Variants in PHF20 observed in about 807,000 individuals in gnomAD.
PHF20 encodes the protein PHD finger protein 20.
A neutral mutation model predicts 113.5 loss-of-function variants in PHF20; 23 were observed. The ratio of observed to expected loss-of-function variants is 0.20; its 90% CI spans 0.15 to 0.29. The LOEUF is 0.29. PHF20 is among the 10% of genes least tolerant of loss of function. The probability of loss-of-function intolerance (pLI) is 1.00; values close to 1 mark genes in which losing one functional copy is unlikely to be tolerated. For missense variants in PHF20, 943 were observed against 1,219.6 expected, an observed-to-expected ratio of 0.77 and a Z score of 3.38; for synonymous variants, 434 against 457.3, an observed-to-expected ratio of 0.95 and a Z score of 0.65.
At chr20:35,785,754 T>G (rs990893511) in intron 1 of PHF20, among the ~76,000 whole-genome samples, 1 of 152,084 alleles carries the variant, frequency 6.6e-6, no homozygotes, top group Non-Finnish European at 1.5e-5. Flanking sequence ...TATGGTGATA[T>G]TTCAATTAAG....
chr20:35,806,284 T>C (rs180873192), intron 2 of PHF20, among the ~76,000 whole-genome samples: 190 of 151,794 alleles, frequency 1.3e-3, no homozygotes, highest in African/African-American at 4.3e-3. Context: ...CTCAGCCTTC[T>C]GAGCAGATGG....
intron 12 of PHF20, 118 bp downstream of exon 12, chr20:35,914,315 C>A: frequency 1.0e-6 from 1 of 989,060 alleles, no homozygotes; most frequent in Non-Finnish European, 1.5e-6. Context: ...TAAAGCTAGT[C>A]AGACATAATT....
intron 17 of PHF20, among the ~76,000 whole-genome samples, chr20:35,945,251 G>A (rs1362142547): frequency 6.6e-6 from 1 of 152,156 alleles, no homozygotes; most frequent in African/African-American, 2.4e-5. Flanking sequence ...TCAGACACAG[G>A]TGAGTGTTAG....
chr20:35,896,430 T>TA, intron 9 of PHF20, among the ~76,000 whole-genome samples: 1 of 152,224 alleles, frequency 6.6e-6, no homozygotes, highest in South Asian at 2.1e-4. Context: ...ACCAAATCTG[T>TA]AGCATAGGAA....
At chr20:35,859,411 C>G (rs543188839) in intron 5 of PHF20, among the ~76,000 whole-genome samples, 1 of 152,224 alleles carries the variant, frequency 6.6e-6, no homozygotes, top group South Asian at 2.1e-4. Flanking sequence ...CTAATTTCAG[C>G]TGTTGAGACA....
intron 2 of PHF20, among the ~76,000 whole-genome samples, chr20:35,834,370 G>C (rs2042405001): frequency 6.7e-6 from 1 of 149,606 alleles, no homozygotes; most frequent in African/African-American, 2.5e-5. Flanking sequence ...TCCTGCCTCA[G>C]CCTCTCGAGT....
chr20:35,932,397 T>G (rs1211752703), intron 15 of PHF20, among the ~76,000 whole-genome samples: 3 of 150,382 alleles, frequency 2.0e-5, no homozygotes, highest in East Asian at 3.9e-4. Flanking sequence ...TGCTGTAAGA[T>G]ATACATAATA....
At chr20:35,810,988 T>A (rs2041967108) in intron 2 of PHF20, among the ~76,000 whole-genome samples, 1 of 152,122 alleles carries the variant, frequency 6.6e-6, no homozygotes, top group Non-Finnish European at 1.5e-5. Flanking sequence ...TCTCTGTGTG[T>A]GTATGTGTGT....
At position 35,829,176 on chromosome 20, in the gene PHF20, A is replaced by G. The variant is rs377685662; in HGVS notation, c.84-13397A>G. Among the ~76,000 whole-genome samples, 6 of 152,288 alleles carry G rather than the reference A, an allele frequency of 3.9e-5. No individual in the cohort carries two copies. The East Asian group carries it at 1.2e-3, about 29-fold the overall frequency. ...CTTACCCTAGAACAGGGAATCTGAG[A>G]GAGTGCAGGGCAGAAGCAGCAGTGC... On this transcript the variant is annotated intron_variant, in intron 2 of 17. Coordinates refer to ENST00000374012, the MANE Select transcript of PHF20 (RefSeq NM_016436.5).
At chr20:35,902,898 A>G (rs1176962394) in intron 10 of PHF20, among the ~76,000 whole-genome samples, 1 of 152,198 alleles carries the variant, frequency 6.6e-6, no homozygotes, top group East Asian at 1.9e-4. Context: ...GCATTTACCC[A>G]GGCAGTCAGA....
At chr20:35,800,332 G>A (rs2041754533) in intron 1 of PHF20, among the ~76,000 whole-genome samples, 1 of 152,178 alleles carries the variant, frequency 6.6e-6, no homozygotes, top group Non-Finnish European at 1.5e-5. Flanking sequence ...GGCTGAGGCA[G>A]GAGAATCACT....
Position 35,842,627 on chromosome 20 carries a change from T to C in PHF20, c.138T>C (p.His46=). ...ACGAGGAAGGAAAAGTACTCATCCA[T>C]TTCAAGCGTTGGAACCATCGTTATG... ...IDYEEGKVLI[H]FKRWNHRYDE... The change falls in exon 3 of 18, where the codon CAT becomes CAC. Residue 46 remains histidine (H), a synonymous_variant. Coordinates refer to ENST00000374012, the MANE Select transcript of PHF20 (RefSeq NM_016436.5). 6.2e-7 allele frequency: 1 copy of C among 1,614,132 alleles called. No individual in the cohort carries two copies. Among genetic ancestry groups the C allele is most frequent in the Non-Finnish European group, 8.5e-7 (1 of 1,179,976 alleles).
Position 35,904,529 on chromosome 20 carries a change from G to A in PHF20, c.1561+4881G>A, listed in dbSNP as rs749617491. ...TGAACTCCTGGCCTCAAGTGGTCCC[G>A]AACTTGGGTTCTCATGGATTTCTCT... On this transcript the variant is annotated intron_variant, in intron 10 of 17. Transcript: ENST00000374012. 1.1e-3 allele frequency among the ~76,000 whole-genome samples: 162 copies of A among 151,798 alleles called. 2 individuals are homozygous for A. The highest frequency in any genetic ancestry group is 3.5e-4 in the Non-Finnish European group (24 of 67,936).
At position 35,867,394 on chromosome 20, in the gene PHF20, G is replaced by A. The variant is rs2054337346; in HGVS notation, c.809-2044G>A. On this transcript the variant is annotated intron_variant, in intron 6 of 17. Transcript: ENST00000374012. ...TGTGCCTCAGCCTCCCAAGTAGCTG[G>A]GACTACAGGCATGTGCCACCATGCC... is the stretch of plus-strand genomic sequence containing the variant. 2.6e-5 allele frequency among the ~76,000 whole-genome samples: 4 copies of A among 152,114 alleles called. No individual in the cohort carries two copies. In the South Asian group the frequency reaches 8.3e-4, roughly 32 times the overall value.
At chr20:35,905,871 C>G (rs573570384) in intron 10 of PHF20, among the ~76,000 whole-genome samples, 3 of 152,352 alleles carry the variant, frequency 2.0e-5, no homozygotes, top group Non-Finnish European at 2.9e-5. Flanking sequence ...TCATATGGTT[C>G]TTCTGCTCTC....
intron 14 of PHF20, among the ~76,000 whole-genome samples, 188 bp from the exon 15 acceptor site, chr20:35,931,061 C>T (rs1224176359): frequency 6.6e-6 from 1 of 152,176 alleles, no homozygotes; most frequent in African/African-American, 2.4e-5. Context: ...ACTACCTTAT[C>T]CCCACTACCT....
chr20:35,914,194 T>C lies in PHF20; in HGVS notation c.1822T>C (p.Leu608=), dbSNP rs537943692. Residue 608 remains leucine (L), a synonymous_variant, in exon 12 of 18, where the codon TTG becomes CTG. Coordinates refer to ENST00000374012, the MANE Select transcript of PHF20 (RefSeq NM_016436.5). ...SGHHKGKVKA[L]EEDNLSESSS... is the part of the protein sequence containing the mutation. ...ACACCACAAAGGGAAAGTGAAAGCA[T>C]TGGGTAAGGAGGCTCTTCTGTCCTG... is the stretch of plus-strand genomic sequence containing the variant. The C allele has an allele frequency of 1.2e-4, 198 of 1,614,020 alleles. No individual in the cohort carries two copies. In the South Asian group the frequency reaches 1.6e-3, roughly 13 times the overall value.
intron 9 of PHF20, among the ~76,000 whole-genome samples, chr20:35,899,080 C>T (rs374139018): frequency 6.6e-6 from 1 of 150,702 alleles, no homozygotes; most frequent in African/African-American, 2.5e-5. Context: ...TTATTTTTAT[C>T]TTTTTAAGGA....
rs2055672738 is a variant in PHF20 at position 35,927,845 on chromosome 20, G to A, written c.2070G>A (p.Glu690=). The A allele has an allele frequency of 6.2e-7, 1 of 1,613,858 alleles. No individual in the cohort carries two copies. The highest frequency in any genetic ancestry group is 1.1e-5 in the South Asian group (1 of 91,088). The change falls in exon 14 of 18, where the codon GAG becomes GAA. Residue 690 remains glutamate (E), a synonymous_variant. Transcript: ENST00000374012. The stretch of plus-strand genomic sequence containing the variant: ...GATTACTGGAAGAAAATGTGCCCGA[G>A]AAATACACCTGTTATGTTTGCCAAG... ...CMGLLEENVP[E]KYTCYVCQDP... is the part of the protein sequence containing the mutation.
Sources: gnomAD v4.1 joint callset for allele counts (sites outside exome capture counted in the v4.1 genomes callset) on GRCh38, gnomAD v4.1.1 for gene constraint, MANE v1.5 for transcripts, NCBI Gene and HGNC (gene_info 2026-07-23, HGNC 2026-07-21) for gene names.